DAB2IP: variants seen among roughly 807,000 people sequenced by gnomAD.
DAB2IP encodes disabled homolog 2-interacting protein.
DAB2IP carries 28 observed loss-of-function variants against 107.2 expected under a neutral mutation model. That is an observed-to-expected ratio of 0.26 (90% CI 0.19 to 0.36). The LOEUF is 0.36. DAB2IP is among the 10% of genes least tolerant of loss of function. The pLI is 1.00. For synonymous variants in DAB2IP, 755 were observed against 706.4 expected (o/e 1.07, Z -1.09); for missense variants, 1,400 against 1,644.7 (o/e 0.85, Z 2.57).
At chr9:121,578,722 CTTTTTTTTTTTTT>C (rs749525264) in intron 1 of DAB2IP, among the ~76,000 whole-genome samples, 1 of 47,324 alleles carries the variant, frequency 2.1e-5, no homozygotes, top group African/African-American at 9.1e-5. Context: ...CGGCCTATGT[CTTTTTTTTTTTTT>C]TTTTTTTTTT....
rs776848343 is a variant in DAB2IP, at chr9:121,760,278, A to G, written c.1009A>G (p.Ile337Val). The G allele has an allele frequency of 3.1e-6, 5 of 1,613,880 alleles. No individual in the cohort carries two copies. The highest frequency in any genetic ancestry group is 3.4e-6 in the Non-Finnish European group (4 of 1,180,000). ...CCGCATCAAGGCGCGCTACCAAACC[A>G]TCACCATCCTGCCCATGGAGATGTA... The change falls in exon 6 of 16, where the codon ATC (isoleucine) becomes GTC (valine). Residue 337 changes from isoleucine (I) to valine (V), a missense_variant. Physicochemically the swap from Ile to Val is conservative, Grantham distance 29 (BLOSUM62 3). Around this residue, in one of 3 missense-constraint regions of DAB2IP, gnomAD observed 517 missense variants for 748.6 expected, o/e 0.69. Transcript: ENST00000408936. The surrounding 1 kb of genome is among the most constrained non-coding windows in gnomAD (Gnocchi z 5.9).
intron 3 of DAB2IP, among the ~76,000 whole-genome samples, chr9:121,744,079 T>C (rs766287865): frequency 2.6e-5 from 4 of 152,238 alleles, no homozygotes; most frequent in Non-Finnish European, 5.9e-5. Context: ...CAGGGACTGC[T>C]GACAAGTTTT....
chr9:121,747,007 G>T (rs1832765478), intron 3 of DAB2IP, among the ~76,000 whole-genome samples: 1 of 152,186 alleles, frequency 6.6e-6, no homozygotes, highest in South Asian at 2.1e-4. Flanking sequence ...CTCAGGAGTG[G>T]TGCTGAGTGG....
At chr9:121,774,176 C>T in intron 12 of DAB2IP, 84 bp from the exon 13 acceptor site, 2 of 1,408,318 alleles carry the variant, frequency 1.4e-6, no homozygotes, top group South Asian at 1.6e-5. Flanking sequence ...AGTTGCTTGT[C>T]CTTGTGGCTC....
chr9:121,578,722 CTTTTTTTTTTTTTTTT>C (rs749525264), intron 1 of DAB2IP, among the ~76,000 whole-genome samples: 49 of 47,422 alleles, frequency 1.0e-3, no homozygotes, highest in African/African-American at 3.3e-3. Flanking sequence ...CGGCCTATGT[CTTTTTTTTTTTTTTTT>C]TTTTTTTTTT....
Position 121,634,877 on chromosome 9 carries a change from C to T in DAB2IP, c.41-43801C>T, listed in dbSNP as rs1217938663. Reference sequence around the variant, plus strand: ...CACTCCCACCCTCACCCCGTGGGCTCGGCTGCTCCCTGCTGACTTGCACCT... The same window carrying T: ...CACTCCCACCCTCACCCCGTGGGCTTGGCTGCTCCCTGCTGACTTGCACCT... On this transcript the variant is annotated intron_variant, in intron 1 of 16. Coordinates refer to the DAB2IP transcript ENST00000259371. This position sits in a 1 kb window ranked among gnomAD's most constrained non-coding sequence, Gnocchi z 4.7. Among the ~76,000 whole-genome samples, 1 of 152,170 alleles carries T rather than the reference C, an allele frequency of 6.6e-6. No homozygotes were observed. Among genetic ancestry groups the T allele is most frequent in the African/African-American group, 2.4e-5 (1 of 41,436 alleles).
chr9:121,774,353 C>T lies in DAB2IP; in HGVS notation c.3061C>T (p.Pro1021Ser), dbSNP rs1488426664. The change falls in exon 13 of 16, where the codon CCA (proline) becomes TCA (serine). Residue 1021 changes from proline (P) to serine (S), a missense_variant. Pro to Ser is a moderately conservative substitution (Grantham distance 74). This residue lies in a region of DAB2IP where 600 missense variants were observed against 659.1 expected (regional missense o/e 0.91). Transcript: ENST00000408936. ...GTTGTTAGAAGACGAGGGCCTGGGCCCAGACCCCCCCCACAGGGATAGGCT... is the reference window on the plus strand; with the variant it reads ...GTTGTTAGAAGACGAGGGCCTGGGCTCAGACCCCCCCCACAGGGATAGGCT... 1 of 1,612,774 alleles carries T rather than the reference C, an allele frequency of 6.2e-7. No homozygotes were observed. Among genetic ancestry groups the T allele is most frequent in the African/African-American group, 1.3e-5 (1 of 74,874 alleles).
intron 1 of DAB2IP, among the ~76,000 whole-genome samples, chr9:121,575,916 T>A (rs1048262334): frequency 6.6e-6 from 1 of 151,658 alleles, no homozygotes; most frequent in African/African-American, 2.4e-5. Flanking sequence ...AGGGGAAGGG[T>A]CTCTTGAGGT....
intron 14 of DAB2IP, among the ~76,000 whole-genome samples, chr9:121,779,292 GA>G (rs1835428297): frequency 6.6e-6 from 1 of 152,098 alleles, no homozygotes; most frequent in Non-Finnish European, 1.5e-5. Context: ...GAAACATGTA[GA>G]ATATATTTAT....
rs959669659 is a variant in DAB2IP at position 121,736,730 on chromosome 9, C to G, written c.363-20283C>G. On this transcript the variant is annotated intron_variant, in intron 3 of 15. Coordinates refer to ENST00000408936, the Ensembl canonical transcript of DAB2IP. The surrounding 1 kb of genome is among the most constrained non-coding windows in gnomAD (Gnocchi z 4.6). ...CCGCTCCTGCCTTCCACTGCTCTGG[C>G]TGACCTGGCTCAGACCAGCTTGAAA... 6.6e-6 allele frequency among the ~76,000 whole-genome samples: 1 copy of G among 152,254 alleles called. No homozygotes were observed. Among genetic ancestry groups the G allele is most frequent in the African/African-American group, 2.4e-5 (1 of 41,464 alleles).
At chr9:121,777,114 A>G (rs960097510) in intron 14 of DAB2IP, among the ~76,000 whole-genome samples, 1 of 152,140 alleles carries the variant, frequency 6.6e-6, no homozygotes, top group South Asian at 2.1e-4. Context: ...CAGGGAGTAC[A>G]ATCAACCCCA....
intron 3 of DAB2IP, among the ~76,000 whole-genome samples, chr9:121,754,649 G>A (rs1305176747): frequency 6.6e-6 from 1 of 152,208 alleles, no homozygotes; most frequent in Admixed American, 6.5e-5. Context: ...AGGTCAGCCA[G>A]AGCATGCTTG....
chr9:121,705,227 G>A (rs756710703), intron 3 of DAB2IP, among the ~76,000 whole-genome samples: 3 of 152,214 alleles, frequency 2.0e-5, no homozygotes, highest in Non-Finnish European at 4.4e-5. Flanking sequence ...GCCTTTCTTT[G>A]CACAAGCATA....
chr9:121,779,056 GCT>G (rs1291376614), intron 14 of DAB2IP, among the ~76,000 whole-genome samples: 1 of 151,918 alleles, frequency 6.6e-6, no homozygotes, highest in Non-Finnish European at 1.5e-5. Context: ...TCTCACTGAT[GCT>G]CTGTTATCTT....
At position 121,782,317 on chromosome 9, in the gene DAB2IP, C is replaced by T. The variant is rs2119046216; in HGVS notation, c.3403-14C>T. 1.2e-6 allele frequency: 2 copies of T among 1,612,060 alleles called. No individual in the cohort carries two copies. The highest frequency in any genetic ancestry group is 1.7e-6 in the Non-Finnish European group (2 of 1,178,450). On this transcript the variant is annotated splice_polypyrimidine_tract_variant and intron_variant, in intron 15 of 15. Transcript: ENST00000408936. This position sits in a 1 kb window ranked among gnomAD's most constrained non-coding sequence, Gnocchi z 6.1. ...CTGTCCCATGACCCCCGCTCACATC[C>T]CCATTGTCCACAGGAGAAGCGCATT...
intron 13 of DAB2IP, among the ~76,000 whole-genome samples, chr9:121,775,956 G>A (rs1007336203): frequency 2.0e-5 from 3 of 152,210 alleles, no homozygotes; most frequent in Admixed American, 2.0e-4. Flanking sequence ...CCCCGCTGTA[G>A]CCATACAGGT....
intron 4 of DAB2IP, among the ~76,000 whole-genome samples, chr9:121,758,486 C>T (rs546374472): frequency 2.0e-5 from 3 of 152,316 alleles, no homozygotes; most frequent in Non-Finnish European, 2.9e-5. Context: ...TAGTTGTCTC[C>T]TTGGTTCTTG....
intron 8 of DAB2IP, 85 bp from the exon 9 acceptor site, chr9:121,766,409 G>T: frequency 7.6e-7 from 1 of 1,318,664 alleles, no homozygotes; most frequent in South Asian, 1.3e-5. Flanking sequence ...TAGAGCCAAG[G>T]TTGGAATGCA....
chr9:121,761,196 A>G (rs1191058402), intron 6 of DAB2IP, among the ~76,000 whole-genome samples: 1 of 152,230 alleles, frequency 6.6e-6, no homozygotes, highest in Admixed American at 6.5e-5. Context: ...CTAGGAAGGC[A>G]GTAGAGCATG....
Sources: allele counts gnomAD v4.1 joint callset (sites outside exome capture counted in the v4.1 genomes callset), GRCh38; gene constraint gnomAD v4.1.1; regional missense constraint gnomAD v4.1.1; non-coding constraint Gnocchi (gnomAD v3.1); transcripts MANE v1.5; gene names NCBI Gene and HGNC (gene_info 2026-07-23, HGNC 2026-07-21).